ZNF462: variants seen among roughly 807,000 people sequenced by gnomAD.
ZNF462 encodes the protein zinc finger PBX1-interacting protein.
A neutral mutation model predicts 201.9 loss-of-function variants in ZNF462; 10 were observed. The ratio of observed to expected loss-of-function variants is 0.05; its 90% confidence interval spans 0.03 to 0.08. The LOEUF is 0.08. Among genes scored for constraint, ZNF462 ranks in the 10% least tolerant of loss-of-function variants. The pLI is 1.00. For synonymous variants in ZNF462, 1,227 were observed against 1,193.3 expected (o/e 1.03, Z -0.58); for missense variants, 2,523 against 3,168.3 (o/e 0.80, Z 4.89).
At chr9:106,881,113 G>A (rs1265068334) in intron 1 of ZNF462, among the ~76,000 whole-genome samples, 1 of 152,306 alleles carries the variant, frequency 6.6e-6, no homozygotes, top group Non-Finnish European at 1.5e-5. Flanking sequence ...AGGAGGACCT[G>A]CTGAGTTCAT....
intron 10 of ZNF462, among the ~76,000 whole-genome samples, chr9:106,988,910 C>G (rs1277829064): frequency 6.6e-6 from 1 of 152,064 alleles, no homozygotes; most frequent in Non-Finnish European, 1.5e-5. Flanking sequence ...TTGCTGAATT[C>G]CTTTATCGGT....
chr9:106,926,776 A>G lies in ZNF462; in HGVS notation c.2864A>G (p.Asn955Ser). 1 of 1,614,186 alleles carries G rather than the reference A, an allele frequency of 6.2e-7. No homozygotes were observed. Among genetic ancestry groups the G allele is most frequent in the Non-Finnish European group, 8.5e-7 (1 of 1,180,034 alleles). ...QRMHPTVKIN[N>S]AMIFSSYVVE... ...ATGCATCCCACGGTGAAGATCAACA[A>G]CGCGATGATATTTTCAAGCTATGTC... The change falls in exon 3 of 13, where the codon AAC becomes AGC. Residue 955 changes from asparagine to serine, a missense_variant. Around this residue, in one of 15 missense-constraint regions of ZNF462, gnomAD observed 280 missense variants for 321.3 expected, o/e 0.87. Transcript: ENST00000277225. This position sits in a 1 kb window ranked among gnomAD's most constrained non-coding sequence, Gnocchi z 7.9.
intron 1 of ZNF462, among the ~76,000 whole-genome samples, chr9:106,878,689 G>A (rs544050568): frequency 1.3e-5 from 2 of 152,292 alleles, no homozygotes; most frequent in Admixed American, 1.3e-4. Context: ...CTGGAGCCAG[G>A]GGATGGTGAA....
chr9:106,892,864 G>A (rs1376716185), intron 1 of ZNF462, among the ~76,000 whole-genome samples: 1 of 152,186 alleles, frequency 6.6e-6, no homozygotes, highest in Admixed American at 6.5e-5. Flanking sequence ...TTCCACAGCT[G>A]TGAGTCACCC....
rs142303854 is a variant in ZNF462 at position 106,968,911 on chromosome 9, G to A, written c.6428-3094G>A. 1.9e-3 allele frequency among the ~76,000 whole-genome samples: 286 copies of A among 152,198 alleles called. No homozygotes were observed. Among genetic ancestry groups the A allele is most frequent in the African/African-American group, 6.4e-3 (266 of 41,532 alleles). ...TGCCTTTCTAACCTGGGCACAGAAC[G>A]ACCTCCTTCCTGCTCTTCAGGCCAT... On this transcript the variant is annotated intron_variant, in intron 7 of 12. Transcript: ENST00000277225. The surrounding 1 kb of genome is among the most constrained non-coding windows in gnomAD (Gnocchi z 4.0).
intron 7 of ZNF462, among the ~76,000 whole-genome samples, chr9:106,946,597 T>A (rs1210393682): frequency 2.0e-5 from 3 of 152,114 alleles, no homozygotes; most frequent in African/African-American, 7.2e-5. Context: ...GATTTAGAGG[T>A]AGAAATCCTG....
Position 107,009,435 on chromosome 9 carries a change from A to G in ZNF462, c.7190-110A>G, listed in dbSNP as rs1829790320. ...GAGGAATCTGGAAATTGCTTTCACC[A>G]CATGGCTTTATCAGTGAAGGTAGGA... On this transcript the variant is annotated intron_variant, in intron 11 of 12. Transcript: ENST00000277225. The surrounding 1 kb of genome is among the most constrained non-coding windows in gnomAD (Gnocchi z 6.1). The G allele has an allele frequency of 6.9e-7, 1 of 1,443,934 alleles. No individual in the cohort carries two copies. 89.4% of individuals were successfully genotyped at this position (1,443,934 alleles called of 1,614,324 possible).
intron 1 of ZNF462, among the ~76,000 whole-genome samples, chr9:106,866,937 G>A (rs1443140904): frequency 1.3e-5 from 2 of 152,104 alleles, no homozygotes; most frequent in Non-Finnish European, 2.9e-5. Flanking sequence ...ATTGATAGCA[G>A]GACAATTGGT....
In ZNF462 at chr9:106,925,746, C is replaced by T. The variant is rs534168298; in HGVS notation, c.1834C>T (p.Leu612=). The change falls in exon 3 of 13, where the codon CTG becomes TTG. Residue 612 remains leucine, a synonymous_variant. Transcript: ENST00000277225. The surrounding 1 kb of genome is among the most constrained non-coding windows in gnomAD (Gnocchi z 7.9). ...CATGTGTAATTACTCCACCACAACT[C>T]TGAAAGGGCTAAGAGTCCATCAGCA... The part of the protein sequence containing the change: ...CTMCNYSTTT[L]KGLRVHQQHK... The T allele has an allele frequency of 7.4e-6, 12 of 1,614,208 alleles. No individual in the cohort carries two copies. In the East Asian group the frequency reaches 2.0e-4, roughly 27 times the overall value.
rs1404471724 is a variant in ZNF462, at chr9:106,928,201, A to G, written c.4289A>G (p.Glu1430Gly). 1 of 1,614,142 alleles carries G rather than the reference A, an allele frequency of 6.2e-7. No individual in the cohort carries two copies. The highest frequency in any genetic ancestry group is 8.5e-7 in the Non-Finnish European group (1 of 1,180,030). ...GAGTTGGCAGGCCCTGTGAATTGTGAAAACAGTATACCCACCCCTTTCCCG... is the reference window on the plus strand; with the variant it reads ...GAGTTGGCAGGCCCTGTGAATTGTGGAAACAGTATACCCACCCCTTTCCCG... ...SEELAGPVNCENSIPTPFPEQ... is the reference protein window; with the variant it reads ...SEELAGPVNCGNSIPTPFPEQ... Residue 1430 changes from glutamate to glycine, a missense_variant, in exon 3 of 13, where the codon GAA (glutamate) becomes GGA (glycine). Physicochemically the swap from Glu to Gly is moderately conservative, Grantham distance 98. Coordinates refer to ENST00000277225, the MANE Select transcript of ZNF462 (RefSeq NM_021224.6). The surrounding 1 kb of genome is among the most constrained non-coding windows in gnomAD (Gnocchi z 9.3).
intron 6 of ZNF462, among the ~76,000 whole-genome samples, chr9:106,937,851 A>G (rs908086846): frequency 3.3e-5 from 5 of 152,152 alleles, no homozygotes. Context: ...AGGTTATTTC[A>G]TACCTTTTTC....
In ZNF462 at chr9:106,932,726, T is replaced by C; in HGVS notation, c.6116+177T>C. 2.7e-6 allele frequency: 2 copies of C among 751,350 alleles called. No homozygotes were observed. The allele number at this position is 751,350 out of a possible 1,614,324, so 46.5% of individuals were successfully genotyped here. On this transcript the variant is annotated intron_variant, in intron 5 of 12. Coordinates refer to ENST00000277225, the MANE Select transcript of ZNF462 (RefSeq NM_021224.6). The surrounding 1 kb of genome is among the most constrained non-coding windows in gnomAD (Gnocchi z 6.8). ...GTAAAATGGGGCTGAGAACAGGAGA[T>C]TGATCGGATGGCGTTAGATTTGGCA... is the stretch of plus-strand genomic sequence containing the variant.
At chr9:106,991,919 T>C (rs1828310316) in intron 10 of ZNF462, among the ~76,000 whole-genome samples, 2 of 149,774 alleles carry the variant, frequency 1.3e-5, no homozygotes. Flanking sequence ...ATGTGTGAGC[T>C]AAAACTATAA....
At chr9:106,918,387 AT>A (rs1829864871) in intron 1 of ZNF462, among the ~76,000 whole-genome samples, 1 of 152,182 alleles carries the variant, frequency 6.6e-6, no homozygotes, top group Admixed American at 6.5e-5. Flanking sequence ...AGATATATAT[AT>A]TTAGACATTC....
chr9:106,864,098 CTCTCTCT>C (rs1564062767), intron 1 of ZNF462, among the ~76,000 whole-genome samples: 7 of 126,242 alleles, frequency 5.5e-5, no homozygotes, highest in Non-Finnish European at 1.1e-4. Context: ...CTCTCTCTCT[CTCTCTCT>C]CTCTCCCTCT....
Position 106,900,212 on chromosome 9 carries a change from G to GTA in ZNF462, c.-30-23141_-30-23140insAT, listed in dbSNP as rs1157019797. 2.3e-3 allele frequency among the ~76,000 whole-genome samples: 182 copies of GTA among 78,752 alleles called. 1 individual carries two copies. Among genetic ancestry groups the GTA allele is most frequent in the African/African-American group, 9.5e-3 (173 of 18,200 alleles). The allele number at this position is 78,752 out of a possible 152,430, so 51.7% of individuals were successfully genotyped here. A position where few individuals can be genotyped will look rare whatever the true frequency, so the allele number is the denominator to read the frequency against. ...CTGCATAGTATTCCATCGTGTGTGT[G>GTA]TGTGTGTGTGTGTGTGTGTGTGTGT... On this transcript the variant is annotated intron_variant, in intron 1 of 12. Transcript: ENST00000277225.
In ZNF462 at chr9:107,009,537, C is replaced by G. The variant is rs773847544; in HGVS notation, c.7190-8C>G. On this transcript the variant is annotated splice_region_variant and splice_polypyrimidine_tract_variant and intron_variant, in intron 11 of 12. Coordinates refer to ENST00000277225, the MANE Select transcript of ZNF462 (RefSeq NM_021224.6). The surrounding 1 kb of genome is among the most constrained non-coding windows in gnomAD (Gnocchi z 6.1). ...CACACAGGTAACACTTCTGCTTTCT[C>G]TTTGCAGAGCTGATGAGATTTTCTG... is the stretch of plus-strand genomic sequence containing the variant. The G allele has an allele frequency of 1.2e-6, 2 of 1,613,784 alleles. No individual in the cohort carries two copies. The highest frequency in any genetic ancestry group is 1.7e-5 in the Admixed American group (1 of 59,976).
At chr9:106,884,195 G>C (rs1274185715) in intron 1 of ZNF462, among the ~76,000 whole-genome samples, 1 of 152,134 alleles carries the variant, frequency 6.6e-6, no homozygotes, top group Non-Finnish European at 1.5e-5. Context: ...TTAGGTCTAG[G>C]GTAGGAGCCT....
chr9:106,925,582 C>T lies in ZNF462; in HGVS notation c.1670C>T (p.Pro557Leu). The change falls in exon 3 of 13, where the codon CCA becomes CTA. Residue 557 changes from proline to leucine, a missense_variant. Pro to Leu is a moderately conservative substitution (Grantham distance 98). Transcript: ENST00000277225. This position sits in a 1 kb window ranked among gnomAD's most constrained non-coding sequence, Gnocchi z 7.9. ...CCGCCGCCACCACCACCATCACAGC[C>T]ACAGCCACTGCAGCAGCCACAGCCA... The part of the protein sequence containing the change: ...PPPPPPPPSQ[P>L]QPLQQPQPPQ... 6.2e-7 allele frequency: 1 copy of T among 1,612,800 alleles called. No homozygotes were observed. Among genetic ancestry groups the T allele is most frequent in the East Asian group, 2.2e-5 (1 of 44,846 alleles).
Sources: gnomAD v4.1 joint callset for allele counts (sites outside exome capture counted in the v4.1 genomes callset) on GRCh38, gnomAD v4.1.1 for gene constraint, gnomAD v4.1.1 regional missense constraint, Gnocchi (gnomAD v3.1) non-coding constraint, MANE v1.5 for transcripts, NCBI Gene and HGNC (gene_info 2026-07-23, HGNC 2026-07-21) for gene names.